PPM1E: variants seen among roughly 807,000 people sequenced by gnomAD.
PPM1E encodes protein phosphatase 1E.
Under a neutral mutation model 65.9 loss-of-function variants are expected in PPM1E, and 20 were observed. That is an observed-to-expected ratio of 0.30 (90% CI 0.21 to 0.44). The LOEUF is 0.44. Ranked by LOEUF, PPM1E falls within the 20% of genes least tolerant of loss-of-function variation. PPM1E has a pLI of 1.00. For synonymous variants in PPM1E, 352 were observed against 374.9 expected (o/e 0.94, Z 0.70); for missense variants, 713 against 953.1 (o/e 0.75, Z 3.32).
chr17:58,797,468 T>C (rs957380370), intron 1 of PPM1E, among the ~76,000 whole-genome samples: 1 of 152,236 alleles, frequency 6.6e-6, no homozygotes, highest in African/African-American at 2.4e-5. Flanking sequence ...CAGAAGCATA[T>C]AGTAGAGACA....
At chr17:58,802,072 A>G (rs1457072859) in intron 1 of PPM1E, among the ~76,000 whole-genome samples, 2 of 152,096 alleles carry the variant, frequency 1.3e-5, no homozygotes, top group Non-Finnish European at 2.9e-5. Context: ...CTTCAGTTTT[A>G]TTGAGGTGTG....
At chr17:58,956,765 T>A (rs954195401) in intron 2 of PPM1E, among the ~76,000 whole-genome samples, 2 of 152,208 alleles carry the variant, frequency 1.3e-5, no homozygotes, top group African/African-American at 4.8e-5. Context: ...TGTTAAGAAA[T>A]TTTAATATTT....
At chr17:58,770,298 T>C (rs2049924254) in intron 1 of PPM1E, among the ~76,000 whole-genome samples, 1 of 152,124 alleles carries the variant, frequency 6.6e-6, no homozygotes, top group Non-Finnish European at 1.5e-5. Flanking sequence ...GGTAAAACTA[T>C]CCTTGACTAT....
intron 1 of PPM1E, among the ~76,000 whole-genome samples, chr17:58,828,478 T>G (rs779707898): frequency 2.6e-5 from 4 of 152,108 alleles, no homozygotes; most frequent in South Asian, 2.1e-4. Flanking sequence ...TTGTTTGTTT[T>G]TTTAAGATGG....
At chr17:58,805,543 C>A (rs2050297178) in intron 1 of PPM1E, among the ~76,000 whole-genome samples, 3 of 152,182 alleles carry the variant, frequency 2.0e-5, no homozygotes, top group African/African-American at 7.2e-5. Flanking sequence ...AGCCACCGTG[C>A]CCGGCCCCAG....
chr17:58,786,752 A>C (rs572911873), intron 1 of PPM1E, among the ~76,000 whole-genome samples: 2 of 152,366 alleles, frequency 1.3e-5, no homozygotes, highest in South Asian at 4.1e-4. Context: ...ACCGTTACAC[A>C]ACTTCCATAT....
intron 1 of PPM1E, among the ~76,000 whole-genome samples, chr17:58,790,773 C>T (rs1044826813): frequency 6.6e-6 from 1 of 152,198 alleles, no homozygotes; most frequent in Non-Finnish European, 1.5e-5. Context: ...TGTGAACATC[C>T]AGTCCAGTCC....
chr17:58,848,310 G>A (rs1159308693), intron 1 of PPM1E, among the ~76,000 whole-genome samples: 1 of 152,142 alleles, frequency 6.6e-6, no homozygotes, highest in Non-Finnish European at 1.5e-5. Flanking sequence ...CTAACACTAT[G>A]TTGAATAGGA....
chr17:58,756,346 C>T lies in PPM1E; in HGVS notation c.349C>T (p.Pro117Ser). The change falls in exon 1 of 7, where the codon CCG (proline) becomes TCG (serine). Residue 117 changes from proline (P) to serine (S), a missense_variant. Transcript: ENST00000308249. ...CCCGGGGCACTCGGCCGTGCCGCCG[C>T]CGCCGCCCCAGCTGCCGCCTTTGCC... ...AAPGHSAVPP[P>S]PPQLPPLPPL... 1 of 1,382,086 alleles carries T rather than the reference C, an allele frequency of 7.2e-7. No individual in the cohort carries two copies. Among genetic ancestry groups the T allele is most frequent in the South Asian group, 1.8e-5 (1 of 55,256 alleles). The allele number at this position is 1,382,086 out of a possible 1,614,324, so 85.6% of individuals were successfully genotyped here. A position where few individuals can be genotyped will look rare whatever the true frequency, so the allele number is the denominator to read the frequency against.
At chr17:58,793,833 CTG>C (rs1226803178) in intron 1 of PPM1E, among the ~76,000 whole-genome samples, 2 of 152,060 alleles carry the variant, frequency 1.3e-5, no homozygotes, top group Non-Finnish European at 2.9e-5. Flanking sequence ...TCTATATAAA[CTG>C]TGTATATACC....
At chr17:58,838,478 C>T (rs977771603) in intron 1 of PPM1E, among the ~76,000 whole-genome samples, 1 of 152,056 alleles carries the variant, frequency 6.6e-6, no homozygotes, top group African/African-American at 2.4e-5. Context: ...AATGAGATAC[C>T]ATTAAAGTCT....
At chr17:58,798,378 G>T (rs1053066740) in intron 1 of PPM1E, among the ~76,000 whole-genome samples, 1 of 151,460 alleles carries the variant, frequency 6.6e-6, no homozygotes, top group Non-Finnish European at 1.5e-5. Flanking sequence ...ACAGGCAGGC[G>T]CCACCACGCC....
intron 1 of PPM1E, among the ~76,000 whole-genome samples, chr17:58,952,776 C>T (rs777709015): frequency 6.6e-5 from 10 of 152,096 alleles, no homozygotes; most frequent in Non-Finnish European, 1.0e-4. Flanking sequence ...TGGATTCAAG[C>T]GATTCTTCTG....
chr17:58,799,333 G>T (rs1037280345), intron 1 of PPM1E, among the ~76,000 whole-genome samples: 6 of 151,896 alleles, frequency 4.0e-5, no homozygotes, highest in Admixed American at 3.3e-4. Flanking sequence ...AGGCTGGAGT[G>T]CAGTGGCGCC....
intron 1 of PPM1E, among the ~76,000 whole-genome samples, chr17:58,944,701 G>A (rs530730207): frequency 6.6e-6 from 1 of 152,126 alleles, no homozygotes; most frequent in East Asian, 1.9e-4. Context: ...TAATATTCCA[G>A]TGTATGAATA....
intron 1 of PPM1E, among the ~76,000 whole-genome samples, chr17:58,888,775 T>C (rs1430754147): frequency 1.3e-5 from 2 of 152,246 alleles, no homozygotes; most frequent in South Asian, 2.1e-4. Context: ...CTGCAAATTA[T>C]CTTCCAAAAC....
intron 1 of PPM1E, among the ~76,000 whole-genome samples, chr17:58,839,336 T>G (rs1227550452): frequency 2.0e-5 from 3 of 152,002 alleles, no homozygotes; most frequent in Admixed American, 1.3e-4. Flanking sequence ...AAAAAAAATT[T>G]TTTTAAGGAA....
intron 1 of PPM1E, among the ~76,000 whole-genome samples, chr17:58,904,344 G>T (rs904582770): frequency 6.6e-6 from 1 of 152,164 alleles, no homozygotes; most frequent in Non-Finnish European, 1.5e-5. Context: ...TAATGTATAA[G>T]TGATCAGAGG....
intron 1 of PPM1E, among the ~76,000 whole-genome samples, chr17:58,860,292 CA>C (rs2050925476): frequency 6.6e-6 from 1 of 152,038 alleles, no homozygotes; most frequent in Non-Finnish European, 1.5e-5. Flanking sequence ...TAACCATGGC[CA>C]TGGATTGGTG....
Sources: gnomAD v4.1 joint callset for allele counts (sites outside exome capture counted in the v4.1 genomes callset) on GRCh38, gnomAD v4.1.1 for gene constraint, MANE v1.5 for transcripts, NCBI Gene and HGNC (gene_info 2026-07-23, HGNC 2026-07-21) for gene names.